XYLT1: variants seen among roughly 807,000 people sequenced by gnomAD.
The protein encoded by XYLT1 is beta-D-xylosyltransferase 1.
XYLT1 carries 36 observed loss-of-function variants against 91.3 expected under a neutral mutation model. The observed-to-expected ratio is 0.39, with a 90% confidence interval of 0.30 to 0.52. The LOEUF is 0.52. Among genes scored for constraint, XYLT1 ranks in the 20% least tolerant of loss-of-function variants. The pLI, the probability that XYLT1 is intolerant of heterozygous loss-of-function variation, is 0.68. For synonymous variants in XYLT1, 588 were observed against 532.0 expected (o/e 1.11, Z -1.45); for missense variants, 1,242 against 1,284.5 (o/e 0.97, Z 0.51).
chr16:17,163,962 C>G (rs1181653511), intron 5 of XYLT1, among the ~76,000 whole-genome samples: 1 of 132,362 alleles, frequency 7.6e-6, no homozygotes, highest in Admixed American at 9.3e-5. Flanking sequence ...CGCTTGAACC[C>G]AGGAGGTGGA....
At chr16:17,451,818 A>C (rs954697482) in intron 1 of XYLT1, among the ~76,000 whole-genome samples, 2 of 152,200 alleles carry the variant, frequency 1.3e-5, no homozygotes, top group African/African-American at 4.8e-5. Flanking sequence ...CCCTGGCTTT[A>C]CAAGACACAG....
At chr16:17,143,301 C>T (rs1380550504) in intron 6 of XYLT1, among the ~76,000 whole-genome samples, 3 of 152,074 alleles carry the variant, frequency 2.0e-5, no homozygotes, top group African/African-American at 7.2e-5. Context: ...TCATTATCAG[C>T]ACCACTATCA....
chr16:17,314,722 A>G (rs2034600252), intron 2 of XYLT1, among the ~76,000 whole-genome samples: 1 of 152,250 alleles, frequency 6.6e-6, no homozygotes, highest in Non-Finnish European at 1.5e-5. Flanking sequence ...GAGAAACTTG[A>G]CAAACCAAAG....
intron 3 of XYLT1, among the ~76,000 whole-genome samples, chr16:17,255,314 G>A (rs1452402883): frequency 2.0e-5 from 3 of 152,028 alleles, no homozygotes; most frequent in Non-Finnish European, 2.9e-5. Context: ...ATTTTTATAA[G>A]TTAGGTTTAA....
intron 1 of XYLT1, among the ~76,000 whole-genome samples, chr16:17,439,919 T>G (rs1189459477): frequency 6.6e-6 from 1 of 152,220 alleles, no homozygotes; most frequent in Non-Finnish European, 1.5e-5. Flanking sequence ...TCACTTCTAA[T>G]AAACAGAAAA....
rs150003374 is a variant in XYLT1, at chr16:17,436,024, G to A, written c.363+34410C>T. On this transcript the variant is annotated intron_variant, in intron 1 of 11. Transcript: ENST00000261381. ...TGGAGATAACTGAATCATGGGGGCCGTTTCCCCCATCCTGTTCTCATGGTA... is the reference window on the plus strand; with the variant it reads ...TGGAGATAACTGAATCATGGGGGCCATTTCCCCCATCCTGTTCTCATGGTA... Among the ~76,000 whole-genome samples, 1,137 of 152,240 alleles carry A rather than the reference G, an allele frequency of 7.5e-3. 6 individuals are homozygous for A. The highest frequency in any genetic ancestry group is 0.011 in the Non-Finnish European group (725 of 68,004).
At chr16:17,393,336 G>A (rs1444617699) in intron 1 of XYLT1, among the ~76,000 whole-genome samples, 1 of 152,176 alleles carries the variant, frequency 6.6e-6, no homozygotes, top group Non-Finnish European at 1.5e-5. Context: ...AGGGGTGCAG[G>A]AGCAATTCTG....
At chr16:17,186,259 A>C (rs2032180698) in intron 5 of XYLT1, among the ~76,000 whole-genome samples, 2 of 152,080 alleles carry the variant, frequency 1.3e-5, no homozygotes, top group South Asian at 4.2e-4. Context: ...ATGTGCCACC[A>C]TACCCAGCTA....
intron 1 of XYLT1, among the ~76,000 whole-genome samples, chr16:17,417,064 G>A (rs2036188574): frequency 6.6e-6 from 1 of 152,012 alleles, no homozygotes; most frequent in Non-Finnish European, 1.5e-5. Flanking sequence ...AAGTTTGAAG[G>A]CGTAACTTTG....
At chr16:17,429,064 A>C (rs1242840040) in intron 1 of XYLT1, among the ~76,000 whole-genome samples, 12 of 152,182 alleles carry the variant, frequency 7.9e-5, no homozygotes, top group Non-Finnish European at 5.9e-5. Context: ...TTTCTTTAAG[A>C]AGCACCCGTC....
At chr16:17,164,967 T>C (rs1460317779) in intron 5 of XYLT1, among the ~76,000 whole-genome samples, 1 of 152,142 alleles carries the variant, frequency 6.6e-6, no homozygotes, top group African/African-American at 2.4e-5. Flanking sequence ...CATGGCTCCA[T>C]TGAGGGCTGT....
intron 5 of XYLT1, among the ~76,000 whole-genome samples, chr16:17,173,112 G>A (rs998571165): frequency 6.6e-5 from 10 of 152,152 alleles, no homozygotes; most frequent in African/African-American, 2.2e-4. Context: ...AAACTCTGCC[G>A]GGAAGATGCT....
intron 2 of XYLT1, among the ~76,000 whole-genome samples, chr16:17,337,908 C>T (rs886409369): frequency 6.6e-6 from 1 of 151,672 alleles, no homozygotes; most frequent in Non-Finnish European, 1.5e-5. Flanking sequence ...TCCCGAGTAG[C>T]TGTGATTACA....
chr16:17,391,787 C>T (rs1459352546), intron 1 of XYLT1, among the ~76,000 whole-genome samples: 4 of 152,174 alleles, frequency 2.6e-5, no homozygotes, highest in Admixed American at 6.5e-5. Context: ...ATAACTGAGT[C>T]ATGGGGGTAG....
chr16:17,470,904 T>A lies in XYLT1; in HGVS notation c.-108A>T. On this transcript the variant is annotated 5_prime_UTR_variant, in exon 1 of 12. Coordinates refer to ENST00000261381, the MANE Select transcript of XYLT1 (RefSeq NM_022166.4). ...CGCCGGCTGCCGCTCGGGCTCCCGC[T>A]CGGGCCGCCGCCGCCGCCCCCCTCC... The A allele has an allele frequency of 4.6e-6, 3 of 654,086 alleles. No homozygotes were observed. The highest frequency in any genetic ancestry group is 5.0e-6 in the Non-Finnish European group (3 of 597,672). 40.5% of individuals were successfully genotyped at this position (654,086 alleles called of 1,614,324 possible).
intron 1 of XYLT1, among the ~76,000 whole-genome samples, chr16:17,452,103 C>T (rs1596553284): frequency 6.6e-6 from 1 of 152,220 alleles, no homozygotes; most frequent in Middle Eastern, 3.4e-3. Context: ...AAGCATTGAG[C>T]AAGCATTGAG....
At chr16:17,382,837 G>A (rs976525238) in intron 1 of XYLT1, among the ~76,000 whole-genome samples, 3 of 151,844 alleles carry the variant, frequency 2.0e-5, no homozygotes, top group South Asian at 2.1e-4. Flanking sequence ...CCTAGAGACC[G>A]CAAGAAGGAG....
intron 2 of XYLT1, among the ~76,000 whole-genome samples, chr16:17,291,203 A>G (rs2034220080): frequency 6.6e-6 from 1 of 152,138 alleles, no homozygotes; most frequent in Admixed American, 6.5e-5. Flanking sequence ...AGGTTTTGCC[A>G]TGTTGCCACA....
rs930740787 is a variant in XYLT1, at chr16:17,158,715, T to C, written c.1370+114A>G. The C allele has an allele frequency of 3.3e-5, 38 of 1,143,772 alleles. 1 individual carries two copies. In the Middle Eastern group the frequency reaches 7.4e-3, roughly 222 times the overall value. 70.9% of individuals were successfully genotyped at this position (1,143,772 alleles called of 1,614,324 possible). The stretch of plus-strand genomic sequence containing the variant: ...AGCGAAGGACAGCTGGTGCCAAGCC[T>C]TTCTCCCACCCTCAACCTTTCTGTG... On this transcript the variant is annotated intron_variant, in intron 6 of 11. Transcript: ENST00000261381.
Sources: allele counts gnomAD v4.1 joint callset (sites outside exome capture counted in the v4.1 genomes callset), GRCh38; gene constraint gnomAD v4.1.1; transcripts MANE v1.5; gene names NCBI Gene and HGNC (gene_info 2026-07-23, HGNC 2026-07-21).